EPHA10: variants seen among roughly 807,000 people sequenced by gnomAD.
EPHA10 encodes the protein ephrin type-A receptor 10.
A neutral mutation model predicts 109.7 loss-of-function variants in EPHA10; 120 were observed. That is an observed-to-expected ratio of 1.09 (90% CI 0.94 to 1.27). The LOEUF is 1.27. Among genes scored for constraint, EPHA10 ranks in the 50% most tolerant of loss-of-function variants. The pLI is 0.00. For missense variants in EPHA10, 1,396 were observed against 1,411.1 expected, an observed-to-expected ratio of 0.99 and a Z score of 0.17; for synonymous variants, 640 against 618.9, an observed-to-expected ratio of 1.03 and a Z score of -0.51.
intron 5 of EPHA10, among the ~76,000 whole-genome samples, chr1:37,746,349 G>A (rs965442778): frequency 3.3e-5 from 5 of 151,800 alleles, no homozygotes; most frequent in South Asian, 2.1e-4. Flanking sequence ...CACCCACTTC[G>A]GCCTCCCAAA....
rs34769085 is a variant in EPHA10, at chr1:37,721,787, G to A, written c.2019C>T (p.Leu673=). Residue 673 remains leucine (L), a synonymous_variant, in exon 11 of 17, where the codon CTC becomes CTT. Coordinates refer to ENST00000373048, the MANE Select transcript of EPHA10 (RefSeq NM_001099439.2). ...TGTCCCTCAGCATATGCACGGCTAC[G>A]AGCAGCTCCTGGCGACCGGGGAGCT... The part of the protein sequence containing the change: ...CLQLPGRQEL[L]VAVHMLRDSA... 632 of 1,611,182 alleles carry A rather than the reference G, an allele frequency of 3.9e-4. 4 individuals carry two copies. In the Middle Eastern group the frequency reaches 8.9e-3, roughly 23 times the overall value.
Position 37,723,392 on chromosome 1 carries a change from C to A in EPHA10, c.1773-20G>T. ...CAGGGCCTGGCAGGGAGTTCAGGGTCATTCTTTCAGCCAGGCCACCCCGGC... is the reference window on the plus strand; with the variant it reads ...CAGGGCCTGGCAGGGAGTTCAGGGTAATTCTTTCAGCCAGGCCACCCCGGC... On this transcript the variant is annotated intron_variant, in intron 8 of 16. Coordinates refer to ENST00000373048, the MANE Select transcript of EPHA10 (RefSeq NM_001099439.2). 6.2e-7 allele frequency: 1 copy of A among 1,613,372 alleles called. No individual in the cohort carries two copies. Among genetic ancestry groups the A allele is most frequent in the East Asian group, 2.2e-5 (1 of 44,874 alleles).
chr1:37,720,638 G>T (rs12729055), intron 12 of EPHA10, 84 bp from the exon 13 acceptor site: 1 of 1,532,278 alleles, frequency 6.5e-7, no homozygotes, highest in Non-Finnish European at 8.9e-7. Flanking sequence ...CCTAGCTCTC[G>T]CCAGGCTTTA....
rs1197826832 is a variant in EPHA10, at chr1:37,752,880, G to T, written c.1353C>A (p.Pro451=). Reference sequence around the variant, plus strand: ...GGGGGGCGCGGACGGCCTTACCCCCGGGCCCGGTGGAGACGGTGACCTGCG... The same window carrying T: ...GGGGGGCGCGGACGGCCTTACCCCCTGGCCCGGTGGAGACGGTGACCTGCG... The part of the protein sequence containing the change: ...TYAQVTVSTG[P]GAPWEEDEIR... Residue 451 remains proline, a synonymous_variant, in exon 5 of 17, where the codon CCC becomes CCA. Transcript: ENST00000373048. 1.5e-6 allele frequency: 2 copies of T among 1,291,980 alleles called. No individual in the cohort carries two copies. The highest frequency in any genetic ancestry group is 2.4e-5 in the South Asian group (1 of 42,336). 80.0% of individuals were successfully genotyped at this position (1,291,980 alleles called of 1,614,324 possible).
At chr1:37,763,318 T>C (rs1646449277) in intron 1 of EPHA10, among the ~76,000 whole-genome samples, 1 of 152,110 alleles carries the variant, frequency 6.6e-6, no homozygotes, top group African/African-American at 2.4e-5. Flanking sequence ...ATCACATCAC[T>C]TTAATCTCTG....
intron 5 of EPHA10, among the ~76,000 whole-genome samples, chr1:37,746,170 G>A (rs569339411): frequency 4.1e-5 from 6 of 146,086 alleles, no homozygotes; most frequent in East Asian, 4.1e-4. Context: ...GCACGACCTC[G>A]GTTTACCGCA....
chr1:37,746,091 C>CTT, intron 5 of EPHA10, among the ~76,000 whole-genome samples: 1 of 129,284 alleles, frequency 7.7e-6, no homozygotes, highest in African/African-American at 3.0e-5. Context: ...TCTCCCTTTT[C>CTT]TTTTCTTTTC....
chr1:37,750,367 A>C (rs1646304347), intron 5 of EPHA10, among the ~76,000 whole-genome samples: 1 of 152,208 alleles, frequency 6.6e-6, no homozygotes, highest in Non-Finnish European at 1.5e-5. Context: ...TTAAATCACA[A>C]TAGAGACAAT....
At chr1:37,746,459 C>T (rs1646244463) in intron 5 of EPHA10, among the ~76,000 whole-genome samples, 1 of 152,054 alleles carries the variant, frequency 6.6e-6, no homozygotes, top group African/African-American at 2.4e-5. Context: ...CCTTATATCT[C>T]ATTTAACCTT....
At chr1:37,732,494 A>G (rs980299507) in intron 6 of EPHA10, among the ~76,000 whole-genome samples, 3 of 152,166 alleles carry the variant, frequency 2.0e-5, no homozygotes, top group Non-Finnish European at 2.9e-5. Flanking sequence ...TTCTGACCAT[A>G]GCATTCAGGA....
chr1:37,729,053 A>AT (rs1645939348), intron 7 of EPHA10, among the ~76,000 whole-genome samples: 2 of 152,162 alleles, frequency 1.3e-5, no homozygotes, highest in Non-Finnish European at 2.9e-5. Flanking sequence ...AACAAGATGA[A>AT]TGGCTTCTGT....
In EPHA10 at chr1:37,731,464, G is replaced by C; in HGVS notation, c.1610C>G (p.Ser537Cys). ...GGGGTTAAAACTCTGGGCCTCCCAG[G>C]ATGGCCCCGGGGAAGCGGCCCGGAT... is the stretch of plus-strand genomic sequence containing the variant. ...FQIRAASPGP[S>C]WEAQSFNPSI... The change falls in exon 7 of 17, where the codon TCC becomes TGC. Residue 537 changes from serine (S) to cysteine (C), a missense_variant. Transcript: ENST00000373048. 5 of 1,613,904 alleles carry C rather than the reference G, an allele frequency of 3.1e-6. No homozygotes were observed. Among genetic ancestry groups the C allele is most frequent in the Non-Finnish European group, 4.2e-6 (5 of 1,179,882 alleles).
At chr1:37,733,211 T>G (rs971964171) in intron 6 of EPHA10, among the ~76,000 whole-genome samples, 5 of 151,606 alleles carry the variant, frequency 3.3e-5, no homozygotes, top group Non-Finnish European at 7.4e-5. Flanking sequence ...TCTTTTTTGT[T>G]GTTTTTGGGG....
At chr1:37,721,566 C>G in intron 11 of EPHA10, 94 bp downstream of exon 11, 1 of 1,301,252 alleles carries the variant, frequency 7.7e-7, no homozygotes, top group South Asian at 1.6e-5. Flanking sequence ...GAGGGAAGGA[C>G]CTGGAGAGGC....
chr1:37,718,754 G>C lies in EPHA10; in HGVS notation c.2819C>G (p.Ala940Gly). The C allele has an allele frequency of 6.2e-7, 1 of 1,613,102 alleles. No individual in the cohort carries two copies. The highest frequency in any genetic ancestry group is 2.2e-5 in the East Asian group (1 of 44,874). Reference protein sequence around the residue: ...STFPSFGSVGAWLEALDLCRY... With the variant: ...STFPSFGSVGGWLEALDLCRY... ...GCACAGGTCCAGGGCCTCCAGCCAC[G>C]CGCCCACAGAGCCAAAGGAGGGGAA... Residue 940 changes from alanine (A) to glycine (G), a missense_variant, in exon 16 of 17, where the codon GCG becomes GGG. Transcript: ENST00000373048.
At chr1:37,737,411 T>C (rs1050820783) in intron 5 of EPHA10, among the ~76,000 whole-genome samples, 3 of 152,118 alleles carry the variant, frequency 2.0e-5, no homozygotes, top group Admixed American at 6.6e-5. Context: ...GGTACAGACA[T>C]ATAGACCAAT....
chr1:37,735,141 G>T, intron 6 of EPHA10, 116 bp downstream of exon 6: 1 of 1,369,660 alleles, frequency 7.3e-7, no homozygotes, highest in Non-Finnish European at 1.0e-6. Context: ...GAGACGGGTG[G>T]TTATGTTTAC....
intron 3 of EPHA10, among the ~76,000 whole-genome samples, chr1:37,757,527 A>G (rs1646399823): frequency 1.3e-5 from 2 of 151,724 alleles, no homozygotes. Flanking sequence ...ACTTCTCCAA[A>G]CCCCAGTTCA....
intron 7 of EPHA10, among the ~76,000 whole-genome samples, chr1:37,728,338 G>A (rs944861996): frequency 3.3e-5 from 5 of 152,182 alleles, no homozygotes; most frequent in Middle Eastern, 3.2e-3. Context: ...AGGGAGCAGT[G>A]GAGAGAGTTC....
Sources: gnomAD v4.1 joint callset for allele counts (sites outside exome capture counted in the v4.1 genomes callset) on GRCh38, gnomAD v4.1.1 for gene constraint, MANE v1.5 for transcripts, NCBI Gene and HGNC (gene_info 2026-07-23, HGNC 2026-07-21) for gene names.